MSI2: variants seen among roughly 807,000 people sequenced by gnomAD.
MSI2 encodes musashi RNA binding protein 2.
MSI2 carries 17 observed loss-of-function variants against 45.6 expected under a neutral mutation model. That is an observed-to-expected ratio of 0.37 (90% CI 0.26 to 0.56). The LOEUF is 0.56. Among genes scored for constraint, MSI2 ranks in the 20% least tolerant of loss-of-function variants. MSI2 has a pLI of 0.77. For synonymous variants in MSI2, 156 were observed against 158.2 expected (o/e 0.99, Z 0.11); for missense variants, 293 against 444.2 (o/e 0.66, Z 3.06).
intron 11 of MSI2, among the ~76,000 whole-genome samples, chr17:57,657,511 C>T (rs11650932): frequency 0.14 from 20,746 of 152,154 alleles, 1,966 homozygotes; most frequent in East Asian, 0.4. Flanking sequence ...GCTTTGCTGC[C>T]CTGTGGCTGG....
At chr17:57,693,414 C>T in the MSI2 span, among the ~76,000 whole-genome samples, 1 of 105,758 alleles carries the variant, frequency 9.5e-6, no homozygotes, top group Non-Finnish European at 1.9e-5. Context: ...ACTCCTGGCC[C>T]ACCTGCCTCT....
chr17:57,371,538 G>C (rs2083421074), intron 5 of MSI2, among the ~76,000 whole-genome samples: 1 of 76,688 alleles, frequency 1.3e-5, no homozygotes, highest in African/African-American at 5.6e-5. Flanking sequence ...AAATTATATA[G>C]AGACACAGGT....
intron 5 of MSI2, among the ~76,000 whole-genome samples, chr17:57,271,005 A>G (rs1324948004): frequency 6.6e-6 from 1 of 152,122 alleles, no homozygotes; most frequent in East Asian, 1.9e-4. Context: ...CCTTTTCCGT[A>G]TCTGATGCCT....
chr17:57,382,107 T>A (rs2083607632), intron 5 of MSI2, among the ~76,000 whole-genome samples: 1 of 152,206 alleles, frequency 6.6e-6, no homozygotes, highest in African/African-American at 2.4e-5. Context: ...TGTATGTGAC[T>A]GAGGGGTGTT....
rs184066332 is a variant in MSI2 at position 57,408,401 on chromosome 17, C to T, written c.405+6930C>T. 3.3e-5 allele frequency among the ~76,000 whole-genome samples: 5 copies of T among 152,308 alleles called. No homozygotes were observed. The East Asian group carries it at 9.6e-4, about 29-fold the overall frequency. On this transcript the variant is annotated intron_variant, in intron 6 of 13. Coordinates refer to ENST00000284073, the MANE Select transcript of MSI2 (RefSeq NM_138962.4). Reference sequence around the variant, plus strand: ...ACTTTGAGATTGTGCTAATCAAATGCCATGTGCATTTGCATAGTAGGTAGA... The same window carrying T: ...ACTTTGAGATTGTGCTAATCAAATGTCATGTGCATTTGCATAGTAGGTAGA...
At chr17:57,473,852 A>G (rs1419867367) in intron 6 of MSI2, among the ~76,000 whole-genome samples, 1 of 152,152 alleles carries the variant, frequency 6.6e-6, no homozygotes, top group African/African-American at 2.4e-5. Flanking sequence ...AGTGGCTGGG[A>G]ACTCACATTC....
At chr17:57,557,143 G>C (rs115968654) in intron 7 of MSI2, among the ~76,000 whole-genome samples, 1 of 152,172 alleles carries the variant, frequency 6.6e-6, no homozygotes, top group African/African-American at 2.4e-5. Flanking sequence ...TAAGCCAAAG[G>C]CATGGCAGAT....
At chr17:57,573,325 G>A (rs1333835770) in intron 7 of MSI2, among the ~76,000 whole-genome samples, 5 of 110,230 alleles carry the variant, frequency 4.5e-5, no homozygotes, top group Admixed American at 8.9e-5. Flanking sequence ...AGGATGTGTC[G>A]TGCTCTGTGC....
intron 6 of MSI2, among the ~76,000 whole-genome samples, chr17:57,489,575 C>T (rs999444521): frequency 6.6e-5 from 10 of 152,346 alleles, no homozygotes; most frequent in Non-Finnish European, 1.2e-4. Context: ...CTGGTACAGC[C>T]CAGCAGCTTT....
chr17:57,444,581 A>C (rs1368194865), intron 6 of MSI2: 1 of 151,758 alleles, frequency 6.6e-6, no homozygotes, highest in East Asian at 1.9e-4. Flanking sequence ...ACTCCGTCTC[A>C]AAAGAAAAAA....
intron 5 of MSI2, among the ~76,000 whole-genome samples, chr17:57,388,159 T>TTG (rs1204347182): frequency 6.6e-6 from 1 of 152,114 alleles, no homozygotes; most frequent in Non-Finnish European, 1.5e-5. Flanking sequence ...CCTTAGAGGG[T>TTG]TGAGACATTC....
intron 1 of MSI2, 100 bp from the exon 2 acceptor site, chr17:57,256,998 C>G: frequency 1.3e-6 from 2 of 1,587,146 alleles, no homozygotes; most frequent in Admixed American, 1.7e-5. Context: ...GGCTCTCGCT[C>G]GCTCGCTCCC....
downstream of MSI2, among the ~76,000 whole-genome samples, chr17:57,689,563 G>A (rs941459970): frequency 5.3e-5 from 8 of 152,172 alleles, no homozygotes; most frequent in African/African-American, 1.9e-4. Flanking sequence ...ATATAATACA[G>A]TGCATCCATT....
chr17:57,674,332 A>C (rs1019371834), intron 11 of MSI2, among the ~76,000 whole-genome samples: 2 of 152,046 alleles, frequency 1.3e-5, no homozygotes, highest in African/African-American at 2.4e-5. Flanking sequence ...TTTTAAAAAA[A>C]AAAACAAAAC....
chr17:57,692,779 CT>C, the MSI2 span, among the ~76,000 whole-genome samples: 1 of 151,958 alleles, frequency 6.6e-6, no homozygotes, highest in South Asian at 2.1e-4. Flanking sequence ...TGTCTTCTGG[CT>C]TGCATAATTT....
intron 6 of MSI2, among the ~76,000 whole-genome samples, chr17:57,463,555 GCTT>G (rs1443465856): frequency 3.9e-5 from 6 of 152,052 alleles, no homozygotes; most frequent in Non-Finnish European, 7.4e-5. Flanking sequence ...ACAGCCCGGG[GCTT>G]CTTCTGCCTC....
At chr17:57,266,002 G>A (rs550995477) in intron 5 of MSI2, 2 of 152,266 alleles carry the variant, frequency 1.3e-5, no homozygotes, top group East Asian at 1.9e-4. Context: ...CAAGAGCGAG[G>A]TCTGGGTGTA....
At chr17:57,625,721 C>A (rs1908732070) in intron 9 of MSI2, 1 of 152,250 alleles carries the variant, frequency 6.6e-6, no homozygotes, top group Admixed American at 6.5e-5. Flanking sequence ...GCAACAGAAA[C>A]AACCCTGGCT....
At chr17:57,608,536 GCT>G (rs1025666830) in intron 8 of MSI2, 4 of 152,468 alleles carry the variant, frequency 2.6e-5, no homozygotes, top group Admixed American at 6.5e-5. Context: ...ACATTCAACA[GCT>G]CTCTCTCAGC....
Sources: allele counts gnomAD v4.1 joint callset (sites outside exome capture counted in the v4.1 genomes callset), GRCh38; gene constraint gnomAD v4.1.1; transcripts MANE v1.5; gene names NCBI Gene and HGNC (gene_info 2026-07-23, HGNC 2026-07-21).